Variants in LARGE1 observed in about 807,000 individuals in gnomAD.
LARGE1 encodes xylosyl- and glucuronyltransferase LARGE1.
In LARGE1, 43 loss-of-function variants were observed where a neutral mutation model predicts 87.6. The observed-to-expected ratio is 0.49, with a 90% confidence interval of 0.38 to 0.63. The LOEUF is 0.63. LARGE1 is among the 30% of genes least tolerant of loss of function. LARGE1 has a pLI of 0.00. For missense variants in LARGE1, 802 were observed against 1,000.2 expected, an observed-to-expected ratio of 0.80 and a Z score of 2.67; for synonymous variants, 434 against 394.6, an observed-to-expected ratio of 1.10 and a Z score of -1.18.
chr22:33,684,721 T>C (rs1425531987), intron 2 of LARGE1, among the ~76,000 whole-genome samples: 1 of 152,106 alleles, frequency 6.6e-6, no homozygotes, highest in South Asian at 2.1e-4. Flanking sequence ...TGAGAACTCA[T>C]TCTAAAGCTC....
intron 6 of LARGE1, among the ~76,000 whole-genome samples, chr22:33,433,256 A>G (rs893622890): frequency 6.6e-6 from 1 of 152,196 alleles, no homozygotes; most frequent in Non-Finnish European, 1.5e-5. Context: ...TTATCCTTAC[A>G]AAAACAAATA....
At chr22:33,155,507 C>G in the LARGE1 span, among the ~76,000 whole-genome samples, 1 of 152,104 alleles carries the variant, frequency 6.6e-6, no homozygotes, top group South Asian at 2.1e-4. Flanking sequence ...GAACTTTGAA[C>G]TTGAGAGAGA....
rs143764300 is a variant in LARGE1 at position 33,362,436 on chromosome 22, C to A, written c.1131+19483G>T. On this transcript the variant is annotated intron_variant, in intron 9 of 14. Transcript: ENST00000397394. ...GATTGCTTGGCTCCCAAAGGATATA[C>A]ACTTTTGCCTCTTCAGTGAAAACAC... 2.1e-3 allele frequency among the ~76,000 whole-genome samples: 319 copies of A among 149,786 alleles called. 12 individuals are homozygous for A. Among genetic ancestry groups the A allele is most frequent in the African/African-American group, 7.4e-3 (300 of 40,760 alleles).
At chr22:33,769,526 G>A (rs926361516) in intron 1 of LARGE1, among the ~76,000 whole-genome samples, 8 of 152,036 alleles carry the variant, frequency 5.3e-5, no homozygotes, top group South Asian at 2.1e-4. Flanking sequence ...TCTCCATCAC[G>A]GCAGCAGTCT....
intron 11 of LARGE1, among the ~76,000 whole-genome samples, chr22:33,312,385 A>G (rs1165633206): frequency 6.7e-6 from 1 of 149,290 alleles, no homozygotes; most frequent in African/African-American, 2.5e-5. Context: ...GGCTGCAGTG[A>G]GCCGAGATTG....
intron 7 of LARGE1, among the ~76,000 whole-genome samples, chr22:33,388,714 C>T (rs890987257): frequency 8.5e-5 from 13 of 152,184 alleles, no homozygotes; most frequent in African/African-American, 2.9e-4. Context: ...TACAGGCACA[C>T]ACCACCACGC....
chr22:33,604,076 A>G (rs1177007248), intron 5 of LARGE1, among the ~76,000 whole-genome samples: 1 of 152,134 alleles, frequency 6.6e-6, no homozygotes. Flanking sequence ...CAACAGGCAA[A>G]TTTAAACCCC....
intron 1 of LARGE1, among the ~76,000 whole-genome samples, chr22:33,765,153 C>A (rs867937807): frequency 6.6e-6 from 1 of 152,034 alleles, no homozygotes; most frequent in African/African-American, 2.4e-5. Context: ...CCCCACTGTA[C>A]GGATGAGAAA....
At chr22:33,854,867 G>A (rs755477947) in intron 1 of LARGE1, among the ~76,000 whole-genome samples, 4 of 152,186 alleles carry the variant, frequency 2.6e-5, no homozygotes, top group African/African-American at 4.8e-5. Flanking sequence ...AGAGCCCGGC[G>A]AAGGTGCTGT....
At position 33,709,643 on chromosome 22, in the gene LARGE1, T is replaced by G. The variant is rs76480014; in HGVS notation, c.106+51728A>C. ...TTCTTTAATTCTTTTTTTTTTTTTT[T>G]GAGACGGAGTCTTGCTCTGTCACCC... On this transcript the variant is annotated intron_variant, in intron 2 of 14. Coordinates refer to ENST00000397394, the MANE Select transcript of LARGE1 (RefSeq NM_133642.5). Among the ~76,000 whole-genome samples the G allele has an allele frequency of 5.0e-3, 761 of 150,976 alleles. 6 individuals are homozygous for G. Among genetic ancestry groups the G allele is most frequent in the African/African-American group, 0.017 (709 of 41,100 alleles).
chr22:33,607,556 GA>G (rs1276150783), intron 4 of LARGE1, among the ~76,000 whole-genome samples: 1 of 150,888 alleles, frequency 6.6e-6, no homozygotes, highest in African/African-American at 2.4e-5. Context: ...TTAGATATGA[GA>G]AAAAAAAGAG....
chr22:33,138,417 A>G, the LARGE1 span, among the ~76,000 whole-genome samples: 1 of 151,682 alleles, frequency 6.6e-6, no homozygotes, highest in Non-Finnish European at 1.5e-5. Context: ...CTTGTCTCGG[A>G]TGAGACTTTG....
intron 3 of LARGE1, among the ~76,000 whole-genome samples, chr22:33,644,775 A>G (rs2080554257): frequency 6.6e-6 from 1 of 151,920 alleles, no homozygotes; most frequent in African/African-American, 2.4e-5. Flanking sequence ...TAACAGACAA[A>G]CAGAGAGCCA....
At chr22:33,696,183 C>T (rs564682794) in intron 2 of LARGE1, among the ~76,000 whole-genome samples, 29 of 151,948 alleles carry the variant, frequency 1.9e-4, no homozygotes, top group African/African-American at 6.5e-4. Context: ...CATAGTCCAG[C>T]GATAACTACA....
chr22:33,874,819 T>C (rs887924718), intron 1 of LARGE1, among the ~76,000 whole-genome samples: 3 of 152,208 alleles, frequency 2.0e-5, no homozygotes, highest in Non-Finnish European at 2.9e-5. Context: ...TAACTGACTC[T>C]GCCAACATTA....
At chr22:33,519,551 T>G (rs2071473290) in intron 6 of LARGE1, among the ~76,000 whole-genome samples, 1 of 152,060 alleles carries the variant, frequency 6.6e-6, no homozygotes, top group African/African-American at 2.4e-5. Flanking sequence ...CCTCTCAGGC[T>G]CCAGACACTC....
At chr22:33,282,360 AAAAC>A (rs58571083) in intron 13 of LARGE1, among the ~76,000 whole-genome samples, 218 of 134,786 alleles carry the variant, frequency 1.6e-3, no homozygotes, top group Non-Finnish European at 2.6e-3. Context: ...ACAAACAAAC[AAAAC>A]AAACAAACAA....
chr22:33,124,356 A>AGAAGGAAGGAAG, the LARGE1 span, among the ~76,000 whole-genome samples: 1,060 of 68,708 alleles, frequency 0.015, 115 homozygotes, highest in African/African-American at 0.056. Context: ...AAGAAAGGAA[A>AGAAGGAAGGAAG]GAAGGAAGGA....
At chr22:33,528,026 T>C (rs1428018820) in intron 6 of LARGE1, among the ~76,000 whole-genome samples, 1 of 143,804 alleles carries the variant, frequency 7.0e-6, no homozygotes, top group Non-Finnish European at 1.5e-5. Context: ...CTGGAAAGAT[T>C]AAACGAGAAA....
Sources: allele counts gnomAD v4.1 joint callset (sites outside exome capture counted in the v4.1 genomes callset), GRCh38; gene constraint gnomAD v4.1.1; transcripts MANE v1.5; gene names NCBI Gene and HGNC (gene_info 2026-07-23, HGNC 2026-07-21).